UPK1A: variants seen among roughly 807,000 people sequenced by gnomAD.
UPK1A encodes the protein uroplakin-1a.
UPK1A carries 31 observed loss-of-function variants against 32.3 expected under a neutral mutation model. That is an observed-to-expected ratio of 0.96 (90% CI 0.72 to 1.30). UPK1A has a LOEUF of 1.30. Among genes scored for constraint, UPK1A ranks in the 50% most tolerant of loss-of-function variants. The pLI, the probability that UPK1A is intolerant of heterozygous loss-of-function variation, is 0.00. For synonymous variants in UPK1A, 135 were observed against 137.1 expected, an observed-to-expected ratio of 0.98 and a Z score of 0.11; for missense variants, 340 against 357.4, an observed-to-expected ratio of 0.95 and a Z score of 0.39.
At chr19:35,666,878 G>A in exon 2 of UPK1A, 3 of 1,614,078 alleles carry the variant, frequency 1.9e-6, no homozygotes, top group South Asian at 2.2e-5. Context: ...TGCTAGTTGT[G>A]GGCAATATCA....
chr19:35,678,036 G>T, exon 8 of UPK1A: 1 of 1,568,608 alleles, frequency 6.4e-7, no homozygotes, highest in East Asian at 2.3e-5. Context: ...GGAGGGGAAG[G>T]CAACATACAC....
At position 35,677,799 on chromosome 19, in the gene UPK1A, T is replaced by A. The variant is rs768739041; in HGVS notation, c.649-13T>A. 6.2e-7 allele frequency: 1 copy of A among 1,611,632 alleles called. No homozygotes were observed. The highest frequency in any genetic ancestry group is 1.7e-5 in the Admixed American group (1 of 59,948). ...TGGGCGTCTTCTCAAACTTCCCCCA[T>A]CCCCCTGCCCAGGGCTGCTTCGAAC... On this transcript the variant is annotated splice_polypyrimidine_tract_variant and intron_variant, in intron 6 of 7. Coordinates refer to ENST00000617999, the Ensembl canonical transcript of UPK1A.
chr19:35,677,430 G>C (rs1344745984), intron 6 of UPK1A, among the ~76,000 whole-genome samples: 3 of 151,958 alleles, frequency 2.0e-5, no homozygotes, highest in Non-Finnish European at 2.9e-5. Flanking sequence ...GGAGGCTGAG[G>C]CAGGAGAATT....
At chr19:35,671,117 G>A (rs997021776) in intron 3 of UPK1A, among the ~76,000 whole-genome samples, 14 of 152,000 alleles carry the variant, frequency 9.2e-5, no homozygotes, top group Non-Finnish European at 1.6e-4. Context: ...GGCCGGGCTC[G>A]GTGGCTCACG....
At chr19:35,669,721 C>T (rs937198587) in intron 3 of UPK1A, among the ~76,000 whole-genome samples, 3 of 152,080 alleles carry the variant, frequency 2.0e-5, no homozygotes, top group Admixed American at 6.6e-5. Context: ...AAGCCCTTCA[C>T]AGCTAGTGCT....
intron 5 of UPK1A, among the ~76,000 whole-genome samples, chr19:35,674,347 C>G (rs1419466511): frequency 1.3e-5 from 2 of 148,434 alleles, no homozygotes; most frequent in African/African-American, 5.0e-5. Context: ...CCCGGGTTCA[C>G]GCTATTCTCC....
intron 7 of UPK1A, 40 bp downstream of exon 7, chr19:35,677,935 T>TG: frequency 8.9e-7 from 1 of 1,126,330 alleles, no homozygotes; most frequent in Non-Finnish European, 1.3e-6. Flanking sequence ...GGGCTGGGGG[T>TG]GGGGGGCGGA....
intron 6 of UPK1A, 46 bp downstream of exon 6, chr19:35,676,065 T>C (rs2146389278): frequency 1.3e-6 from 2 of 1,573,018 alleles, no homozygotes; most frequent in Non-Finnish European, 8.6e-7. Flanking sequence ...TCTGTCTGTC[T>C]TCCTCTGGTC....
chr19:35,677,246 G>A lies in UPK1A; in HGVS notation c.649-566G>A, dbSNP rs150003577. Among the ~76,000 whole-genome samples the A allele has an allele frequency of 6.3e-4, 95 of 151,090 alleles. 1 individual carries two copies. The East Asian group carries it at 0.017, about 27-fold the overall frequency. ...AAGAGACTTTAAAAAAAAAAAGGCC[G>A]GGCGCGCACAGTGGCTCATGCCTGT... On this transcript the variant is annotated intron_variant, in intron 6 of 7. Transcript: ENST00000617999.
At chr19:35,675,884 C>T in exon 6 of UPK1A, 1 of 1,613,998 alleles carries the variant, frequency 6.2e-7, no homozygotes, top group Non-Finnish European at 8.5e-7. Flanking sequence ...GGGTGAACTT[C>T]ACGTCAGCCT....
intron 6 of UPK1A, among the ~76,000 whole-genome samples, 178 bp from the exon 7 acceptor site, chr19:35,677,634 G>C (rs1463131021): frequency 6.6e-6 from 1 of 152,100 alleles, no homozygotes; most frequent in African/African-American, 2.4e-5. Context: ...TTCAACATCA[G>C]CTCCCTGGGG....
chr19:35,674,847 T>TC (rs926571084), intron 5 of UPK1A, among the ~76,000 whole-genome samples: 1 of 151,772 alleles, frequency 6.6e-6, no homozygotes, highest in Admixed American at 6.6e-5. Flanking sequence ...TTCAAGACCA[T>TC]CCTGGCCAAC....
rs373683502 is a variant in UPK1A, at chr19:35,676,171, TTTTC to T, written c.648+176_648+179del. On this transcript the variant is annotated intron_variant, in intron 6 of 7. Transcript: ENST00000617999. Reference sequence around the variant, plus strand: ...CCCCTCTCTGATTTTCTTGTTTTCTTTTTCTTTCTTTCTTTCTTTCTTTCTTTTT... The same window carrying T: ...CCCCTCTCTGATTTTCTTGTTTTCTTTTTCTTTCTTTCTTTCTTTCTTTTT... The T allele has an allele frequency of 1.7e-3, 1,465 of 882,330 alleles. 1 individual carries two copies. The highest frequency in any genetic ancestry group is 5.0e-3 in the Admixed American group (187 of 37,578). The allele number at this position is 882,330 out of a possible 1,614,324, so 54.7% of individuals were successfully genotyped here. A position where few individuals can be genotyped will look rare whatever the true frequency, so the allele number is the denominator to read the frequency against.
At chr19:35,668,779 A>G (rs1968041989) in intron 3 of UPK1A, 125 bp downstream of exon 3, 1 of 1,077,266 alleles carries the variant, frequency 9.3e-7, no homozygotes, top group Non-Finnish European at 1.3e-6. Flanking sequence ...CAGGGATCCC[A>G]GGCATCATCT....
chr19:35,674,241 CTT>C lies in UPK1A; in HGVS notation c.468+718_468+719del, dbSNP rs35857173. 2.1e-3 allele frequency among the ~76,000 whole-genome samples: 212 copies of C among 98,952 alleles called. 2 individuals carry two copies. In the East Asian group the frequency reaches 0.063, roughly 30 times the overall value. The allele number at this position is 98,952 out of a possible 152,430, so 64.9% of individuals were successfully genotyped here. A position where few individuals can be genotyped will look rare whatever the true frequency, so the allele number is the denominator to read the frequency against. ...AGCACATTTTTTTTTTTCTTTTTATCTTTTTTTTTTTTTTTTTTTTTTTGAGA... is the reference window on the plus strand; with the variant it reads ...AGCACATTTTTTTTTTTCTTTTTATCTTTTTTTTTTTTTTTTTTTTTGAGA... On this transcript the variant is annotated intron_variant, in intron 5 of 7. Transcript: ENST00000617999.
intron 3 of UPK1A, among the ~76,000 whole-genome samples, chr19:35,670,359 C>T (rs1968067590): frequency 6.7e-6 from 1 of 149,354 alleles, no homozygotes; most frequent in Non-Finnish European, 1.5e-5. Context: ...CCCATAGACC[C>T]CCTGCTCCCC....
At chr19:35,667,470 T>C (rs904879696) in intron 2 of UPK1A, among the ~76,000 whole-genome samples, 34 of 150,700 alleles carry the variant, frequency 2.3e-4, no homozygotes, top group African/African-American at 7.8e-4. Context: ...ATAGCTGGGA[T>C]TACAGGCGCA....
chr19:35,666,663 T>TCC (rs1228463043), intron 1 of UPK1A, 125 bp downstream of exon 1: 4 of 751,968 alleles, frequency 5.3e-6, no homozygotes, highest in Non-Finnish European at 8.5e-6. Context: ...GCAAAATGCC[T>TCC]CCCCACCAGG....
chr19:35,675,911 G>T (rs35399814), exon 6 of UPK1A: 4 of 1,613,960 alleles, frequency 2.5e-6, no homozygotes, highest in African/African-American at 1.3e-5. Flanking sequence ...CGGCCACTCC[G>T]GAGGTGGTGT....
Sources: allele counts gnomAD v4.1 joint callset (sites outside exome capture counted in the v4.1 genomes callset), GRCh38; gene constraint gnomAD v4.1.1; transcripts MANE v1.5; gene names NCBI Gene and HGNC (gene_info 2026-07-23, HGNC 2026-07-21).